Variants in CNTNAP2 observed in about 807,000 individuals in gnomAD.
The protein encoded by CNTNAP2 is contactin-associated protein-like 2.
In CNTNAP2, 98 loss-of-function variants were observed where a neutral mutation model predicts 155.2. That is an observed-to-expected ratio of 0.63 (90% CI 0.54 to 0.75). The LOEUF is 0.75. Among genes scored for constraint, CNTNAP2 ranks in the 30% least tolerant of loss-of-function variants. The pLI is 0.00. For synonymous variants in CNTNAP2, 651 were observed against 631.2 expected, an observed-to-expected ratio of 1.03 and a Z score of -0.47; for missense variants, 1,727 against 1,688.1, an observed-to-expected ratio of 1.02 and a Z score of -0.40.
chr7:147,670,735 G>C (rs1464509957), intron 13 of CNTNAP2, among the ~76,000 whole-genome samples: 2 of 152,086 alleles, frequency 1.3e-5, no homozygotes, highest in East Asian at 3.9e-4. Context: ...TAAAATCCCC[G>C]ACAGTTGCCA....
chr7:147,925,334 C>A (rs1800378309), intron 14 of CNTNAP2, among the ~76,000 whole-genome samples: 1 of 150,004 alleles, frequency 6.7e-6, no homozygotes, highest in African/African-American at 2.4e-5. Flanking sequence ...ACACACACAG[C>A]TTTCCCCCAT....
intron 21 of CNTNAP2, among the ~76,000 whole-genome samples, chr7:148,271,685 TG>T (rs1473699554): frequency 6.6e-6 from 1 of 152,168 alleles, no homozygotes; most frequent in Non-Finnish European, 1.5e-5. Flanking sequence ...TGTAAGTGCT[TG>T]AGAAGCTAAT....
At chr7:146,600,317 C>A (rs1798930737) in intron 1 of CNTNAP2, among the ~76,000 whole-genome samples, 1 of 152,120 alleles carries the variant, frequency 6.6e-6, no homozygotes, top group Non-Finnish European at 1.5e-5. Context: ...TATATTGCCA[C>A]ATAAAATATG....
At chr7:146,538,429 G>A (rs1038791352) in intron 1 of CNTNAP2, among the ~76,000 whole-genome samples, 9 of 152,092 alleles carry the variant, frequency 5.9e-5, no homozygotes, top group African/African-American at 2.2e-4. Context: ...GGCTGTAGGA[G>A]CAGTTTCTAT....
intron 1 of CNTNAP2, among the ~76,000 whole-genome samples, chr7:146,192,131 A>T (rs1185170617): frequency 6.6e-6 from 1 of 152,152 alleles, no homozygotes; most frequent in Non-Finnish European, 1.5e-5. Context: ...AATCTTCACA[A>T]TTTATGTTCT....
Position 147,458,171 on chromosome 7 carries a change from A to G in CNTNAP2, c.1671-27764A>G, listed in dbSNP as rs183069170. 2.0e-5 allele frequency among the ~76,000 whole-genome samples: 3 copies of G among 152,322 alleles called. No homozygotes were observed. In the East Asian group the frequency reaches 5.8e-4, roughly 29 times the overall value. ...GCATTTCAGGTTACTATGTGCATCA[A>G]GAATTCTAATGTTTTGAAAATCTGC... On this transcript the variant is annotated intron_variant, in intron 10 of 23. Coordinates refer to ENST00000361727, the MANE Select transcript of CNTNAP2 (RefSeq NM_014141.6).
intron 1 of CNTNAP2, among the ~76,000 whole-genome samples, chr7:146,561,977 A>T (rs10241649): frequency 0.77 from 117,287 of 151,876 alleles, 45,762 homozygotes; most frequent in South Asian, 0.89. Flanking sequence ...TTTTTTAGAG[A>T]TGGGGTTTCA....
chr7:146,838,142 C>T lies in CNTNAP2; in HGVS notation c.209-1569C>T, dbSNP rs1425189269. Among the ~76,000 whole-genome samples, 3 of 152,124 alleles carry T rather than the reference C, an allele frequency of 2.0e-5. No homozygotes were observed. In the South Asian group the frequency reaches 6.2e-4, roughly 31 times the overall value. On this transcript the variant is annotated intron_variant, in intron 2 of 23. Transcript: ENST00000361727. ...GTAATATGTTTCCGTTTCAATGACA[C>T]TACTGCACTGCTGAACTCTGTTTGG...
At chr7:147,052,972 T>C (rs1177057515) in intron 4 of CNTNAP2, among the ~76,000 whole-genome samples, 1 of 151,976 alleles carries the variant, frequency 6.6e-6, no homozygotes, top group African/African-American at 2.4e-5. Context: ...TGAGCACATG[T>C]AGTATTCTTT....
rs545482316 is a variant in CNTNAP2, at chr7:147,629,222, T to C, written c.1898-9884T>C. Among the ~76,000 whole-genome samples the C allele has an allele frequency of 1.9e-3, 292 of 151,988 alleles. 1 individual carries two copies. The highest frequency in any genetic ancestry group is 6.5e-3 in the African/African-American group (270 of 41,448). On this transcript the variant is annotated intron_variant, in intron 12 of 23. Coordinates refer to ENST00000361727, the MANE Select transcript of CNTNAP2 (RefSeq NM_014141.6). ...TTCAAGAACAGCCTGGCCAATATGG[T>C]AAAACCCTGTCTTTACTAAAAATGC... is the stretch of plus-strand genomic sequence containing the variant.
At chr7:147,197,371 T>A (rs1029126374) in intron 8 of CNTNAP2, among the ~76,000 whole-genome samples, 2 of 149,696 alleles carry the variant, frequency 1.3e-5, no homozygotes, top group Non-Finnish European at 3.0e-5. Context: ...TCGTTTTCGA[T>A]AAATAATCTG....
chr7:146,892,580 C>T (rs1341534854), intron 3 of CNTNAP2, among the ~76,000 whole-genome samples: 1 of 152,130 alleles, frequency 6.6e-6, no homozygotes, highest in African/African-American at 2.4e-5. Context: ...AATATTTAGC[C>T]AACATGCATC....
chr7:147,287,647 C>T (rs1360651273), intron 8 of CNTNAP2, among the ~76,000 whole-genome samples: 1 of 152,114 alleles, frequency 6.6e-6, no homozygotes, highest in East Asian at 1.9e-4. Context: ...CTCCAGACTA[C>T]ATTTTTTTCT....
intron 13 of CNTNAP2, among the ~76,000 whole-genome samples, chr7:147,705,199 C>G (rs545916731): frequency 6.6e-6 from 1 of 151,958 alleles, no homozygotes; most frequent in South Asian, 2.1e-4. Context: ...GTGTTTATGG[C>G]TATAAATTTT....
intron 2 of CNTNAP2, among the ~76,000 whole-genome samples, chr7:146,794,662 A>T (rs1261373598): frequency 6.6e-6 from 1 of 152,134 alleles, no homozygotes; most frequent in Non-Finnish European, 1.5e-5. Flanking sequence ...GGATTAAAAA[A>T]CTAAGGCCTA....
chr7:146,270,084 G>T (rs1330791186), intron 1 of CNTNAP2, among the ~76,000 whole-genome samples: 1 of 151,958 alleles, frequency 6.6e-6, no homozygotes, highest in East Asian at 1.9e-4. Flanking sequence ...CCATTTCAAG[G>T]GTCTTCTAAC....
At chr7:146,363,046 G>C (rs1199998509) in intron 1 of CNTNAP2, among the ~76,000 whole-genome samples, 1 of 150,618 alleles carries the variant, frequency 6.6e-6, no homozygotes, top group African/African-American at 2.5e-5. Flanking sequence ...TGGGATTACA[G>C]GTGTGAGCCA....
At chr7:148,211,532 C>G (rs557814791) in intron 18 of CNTNAP2, among the ~76,000 whole-genome samples, 1 of 152,222 alleles carries the variant, frequency 6.6e-6, no homozygotes, top group East Asian at 1.9e-4. Context: ...ATGTTGGTAG[C>G]TTGAAGTCGG....
chr7:146,721,722 CTAAATACATTATATATTCTA>C, intron 1 of CNTNAP2, among the ~76,000 whole-genome samples: 1 of 118,700 alleles, frequency 8.4e-6, no homozygotes, highest in African/African-American at 3.8e-5. Flanking sequence ...TATATATATT[CTAAATACATTATATATTCTA>C]TATATATATT....
Sources: gnomAD v4.1 joint callset for allele counts (sites outside exome capture counted in the v4.1 genomes callset) on GRCh38, gnomAD v4.1.1 for gene constraint, MANE v1.5 for transcripts, NCBI Gene and HGNC (gene_info 2026-07-23, HGNC 2026-07-21) for gene names.